The following SCN2B variants were observed in gnomAD, a reference collection of about 807,000 sequenced individuals.
SCN2B encodes sodium voltage-gated channel beta subunit 2, also known as sodium channel regulatory subunit beta-2.
A neutral mutation model predicts 18.2 loss-of-function variants in SCN2B; 14 were observed. That is an observed-to-expected ratio of 0.77 (90% CI 0.51 to 1.21). The LOEUF (loss-of-function observed/expected upper bound fraction) is 1.21, where lower values mean the gene tolerates loss of function less well. Among genes scored for constraint, SCN2B ranks in the 50% most tolerant of loss-of-function variants. The pLI is 0.00. For missense variants in SCN2B, 262 were observed against 286.9 expected (o/e 0.91, Z 0.63); for synonymous variants, 115 against 115.3 (o/e 1.00, Z 0.02).
chr11:118,176,338 A>G (rs1197791948), intron 1 of SCN2B, 24 bp downstream of exon 1: 1 of 1,600,626 alleles, frequency 6.2e-7, no homozygotes, highest in Non-Finnish European at 8.6e-7. Flanking sequence ...AACCCTCGGG[A>G]GCATGCAGAT....
At chr11:118,175,257 A>G (rs1045928247) in intron 1 of SCN2B, among the ~76,000 whole-genome samples, 3 of 152,248 alleles carry the variant, frequency 2.0e-5, no homozygotes, top group African/African-American at 4.8e-5. Flanking sequence ...GGGGTTGAGT[A>G]ACTTGCCTGT....
At chr11:118,170,609 T>A (rs904791250) in intron 1 of SCN2B, among the ~76,000 whole-genome samples, 3 of 152,052 alleles carry the variant, frequency 2.0e-5, no homozygotes, top group Admixed American at 6.5e-5. Context: ...GCTGTCCAGA[T>A]GAGCCCGATA....
In SCN2B at chr11:118,168,113, G is replaced by A. The variant is rs1248646475; in HGVS notation, c.420C>T (p.Gly140=). 23 of 1,613,982 alleles carry A rather than the reference G, an allele frequency of 1.4e-5. No homozygotes were observed. The highest frequency in any genetic ancestry group is 1.9e-5 in the Non-Finnish European group (23 of 1,180,000). ...MNPPDRHRGH[G]KIHLQVLMEE... is the part of the protein sequence containing the mutation. ...CCATGAGGACCTGCAGATGGATCTT[G>A]CCATGGCCACGGTGGCGGTCAGGGG... is the stretch of plus-strand genomic sequence containing the variant. Residue 140 remains glycine, a synonymous_variant, in exon 3 of 4, where the codon GGC becomes GGT. Transcript: ENST00000278947. The surrounding 1 kb of genome is among the most constrained non-coding windows in gnomAD (Gnocchi z 4.7).
Position 118,164,840 on chromosome 11 carries a change from G to C in SCN2B, c.*2047C>G, listed in dbSNP as rs1416018757. The C allele has an allele frequency of 6.6e-6, 1 of 152,652 alleles. No homozygotes were observed. Among genetic ancestry groups the C allele is most frequent in the Non-Finnish European group, 1.5e-5 (1 of 68,074 alleles). The allele number at this position is 152,652 out of a possible 1,614,324, so 9.5% of individuals were successfully genotyped here. ...TGGTTGCTGAATTGAAGCAAATTAA[G>C]CTGAATCTCCCAGATGATATTGCTG... On this transcript the variant is annotated 3_prime_UTR_variant, in exon 4 of 4. Transcript: ENST00000278947.
intron 1 of SCN2B, among the ~76,000 whole-genome samples, chr11:118,173,856 C>T (rs1363613633): frequency 6.6e-6 from 1 of 152,052 alleles, no homozygotes; most frequent in Non-Finnish European, 1.5e-5. Flanking sequence ...GGGTCCCCAC[C>T]ACCACAAGCA....
chr11:118,171,055 C>T (rs1948427424), intron 1 of SCN2B, among the ~76,000 whole-genome samples: 1 of 152,158 alleles, frequency 6.6e-6, no homozygotes, highest in Non-Finnish European at 1.5e-5. Flanking sequence ...GCCAGCCCCG[C>T]CCCTGGCCCG....
At chr11:118,169,927 G>T (rs10892221) in intron 1 of SCN2B, among the ~76,000 whole-genome samples, 1 of 152,132 alleles carries the variant, frequency 6.6e-6, no homozygotes. Flanking sequence ...TAAATGTCAC[G>T]CCCTAGGCAC....
rs573628109 is a variant in SCN2B at position 118,169,981 on chromosome 11, C to G, written c.71-1230G>C. On this transcript the variant is annotated intron_variant, in intron 1 of 3. Coordinates refer to ENST00000278947, the MANE Select transcript of SCN2B (RefSeq NM_004588.5). ...GCCCTGGCCTTCATTCCAAGATGCT[C>G]TGCCCGTATCCTCAAGAACCTTATC... 7.9e-5 allele frequency among the ~76,000 whole-genome samples: 12 copies of G among 152,360 alleles called. No homozygotes were observed. The East Asian group carries it at 2.3e-3, about 29-fold the overall frequency.
intron 1 of SCN2B, among the ~76,000 whole-genome samples, chr11:118,175,678 C>A (rs1161332637): frequency 6.6e-6 from 1 of 152,190 alleles, no homozygotes; most frequent in Admixed American, 6.5e-5. Flanking sequence ...ATTTAAAGGG[C>A]TGCAACCTCG....
chr11:118,174,095 T>TG (rs56848852), intron 1 of SCN2B, among the ~76,000 whole-genome samples: 5,831 of 117,864 alleles, frequency 0.049, 661 homozygotes, highest in African/African-American at 0.18. Flanking sequence ...TCTTTTCTTT[T>TG]TTTTTTTTTT....
intron 3 of SCN2B, 152 bp from the exon 4 acceptor site, chr11:118,167,238 C>T (rs1202016839): frequency 1.3e-6 from 1 of 778,158 alleles, no homozygotes; most frequent in Non-Finnish European, 2.0e-6. Context: ...AGTGACTGAC[C>T]CTGAAGCGCC....
chr11:118,167,132 C>A, intron 3 of SCN2B, 46 bp from the exon 4 acceptor site: 1 of 1,577,534 alleles, frequency 6.3e-7, no homozygotes, highest in South Asian at 1.1e-5. Flanking sequence ...GGGAAAGGGG[C>A]CTCCCCCATC....
intron 1 of SCN2B, among the ~76,000 whole-genome samples, chr11:118,169,943 T>G (rs560035996): frequency 6.6e-6 from 1 of 152,350 alleles, no homozygotes; most frequent in African/African-American, 2.4e-5. Context: ...GGCACCTCAC[T>G]GGACTCACCT....
chr11:118,170,207 G>GA (rs1948419569), intron 1 of SCN2B, among the ~76,000 whole-genome samples: 1 of 152,190 alleles, frequency 6.6e-6, no homozygotes, highest in South Asian at 2.1e-4. Flanking sequence ...CATCAACAAG[G>GA]AAAAAAATCA....
chr11:118,168,630 G>A lies in SCN2B; in HGVS notation c.192C>T (p.Ser64=). 1.2e-6 allele frequency: 2 copies of A among 1,614,236 alleles called. No individual in the cohort carries two copies. The highest frequency in any genetic ancestry group is 1.7e-6 in the Non-Finnish European group (2 of 1,180,042). Residue 64 remains serine, a synonymous_variant, in exon 2 of 4, where the codon TCC becomes TCT. Coordinates refer to ENST00000278947, the MANE Select transcript of SCN2B (RefSeq NM_004588.5). The surrounding 1 kb of genome is among the most constrained non-coding windows in gnomAD (Gnocchi z 4.7). The part of the protein sequence containing the change: ...SCYTVNHKQF[S]LNWTYQECNN... ...TGCACTCCTGGTAAGTCCAGTTCAG[G>A]GAGAACTGTTTGTGGTTCACTGTGT...
chr11:118,170,223 T>C (rs1948419712), intron 1 of SCN2B, among the ~76,000 whole-genome samples: 1 of 151,334 alleles, frequency 6.6e-6, no homozygotes, highest in Admixed American at 6.6e-5. Flanking sequence ...AATCATGGAG[T>C]TGTAGGTAGA....
rs926487685 is a variant in SCN2B, at chr11:118,164,945, C to T, written c.*1942G>A. 6.5e-6 allele frequency: 1 copy of T among 152,740 alleles called. No homozygotes were observed. The highest frequency in any genetic ancestry group is 1.5e-5 in the Non-Finnish European group (1 of 68,088). The allele number at this position is 152,740 out of a possible 1,614,324, so 9.5% of individuals were successfully genotyped here. On this transcript the variant is annotated 3_prime_UTR_variant, in exon 4 of 4. Coordinates refer to ENST00000278947, the MANE Select transcript of SCN2B (RefSeq NM_004588.5). ...TCACGGTCCTGTCTCCACCCCCTTT[C>T]CTAGACTTATTCCCTACCCTGGGCA...
Position 118,165,452 on chromosome 11 carries a change from C to T in SCN2B, c.*1435G>A, listed in dbSNP as rs1023637797. 4 of 149,972 alleles carry T rather than the reference C, an allele frequency of 2.7e-5. No homozygotes were observed. Among genetic ancestry groups the T allele is most frequent in the African/African-American group, 4.9e-5 (2 of 40,528 alleles). The allele number at this position is 149,972 out of a possible 1,614,324, so 9.3% of individuals were successfully genotyped here. A position where few individuals can be genotyped will look rare whatever the true frequency, so the allele number is the denominator to read the frequency against. On this transcript the variant is annotated 3_prime_UTR_variant, in exon 4 of 4. Transcript: ENST00000278947. ...GTGTAATGGCAGTGATGGTTGGCTCCGCACAATTGCCTTTTTTTTTTTTTT... is the reference window on the plus strand; with the variant it reads ...GTGTAATGGCAGTGATGGTTGGCTCTGCACAATTGCCTTTTTTTTTTTTTT...
Position 118,170,229 on chromosome 11 carries a change from G to C in SCN2B, c.71-1478C>G, listed in dbSNP as rs536195111. ...AAGGAAAAAAATCATGGAGTTGTAG[G>C]TAGAGACACTCGGCAAGGTAGAGGG... is the stretch of plus-strand genomic sequence containing the variant. On this transcript the variant is annotated intron_variant, in intron 1 of 3. Transcript: ENST00000278947. Among the ~76,000 whole-genome samples the C allele has an allele frequency of 2.0e-5, 3 of 152,326 alleles. No individual in the cohort carries two copies. The South Asian group carries it at 6.2e-4, about 32-fold the overall frequency.
Sources: allele counts gnomAD v4.1 joint callset (sites outside exome capture counted in the v4.1 genomes callset), GRCh38; gene constraint gnomAD v4.1.1; non-coding constraint Gnocchi (gnomAD v3.1); transcripts MANE v1.5; gene names NCBI Gene and HGNC (gene_info 2026-07-23, HGNC 2026-07-21).